ZNF532: variants seen among roughly 807,000 people sequenced by gnomAD.
The protein encoded by ZNF532 is zinc finger protein 532.
In ZNF532, 22 loss-of-function variants were observed where a neutral mutation model predicts 89.3. That is an observed-to-expected ratio of 0.25 (90% CI 0.18 to 0.35). The LOEUF (loss-of-function observed/expected upper bound fraction) is 0.35, where lower values mean the gene tolerates loss of function less well. Among genes scored for constraint, ZNF532 ranks in the 10% least tolerant of loss-of-function variants. The probability of loss-of-function intolerance (pLI) is 1.00; values close to 1 mark genes in which losing one functional copy is unlikely to be tolerated. For missense variants in ZNF532, 1,132 were observed against 1,643.4 expected (o/e 0.69, Z 5.38); for synonymous variants, 606 against 649.6 (o/e 0.93, Z 1.02).
chr18:58,924,936 C>T (rs763181891), intron 3 of ZNF532, among the ~76,000 whole-genome samples: 3 of 152,116 alleles, frequency 2.0e-5, no homozygotes, highest in East Asian at 1.9e-4. Context: ...CTGGTTGTTG[C>T]GTATATCAAT....
chr18:58,909,836 A>G (rs1033796554), intron 2 of ZNF532, among the ~76,000 whole-genome samples: 3 of 152,204 alleles, frequency 2.0e-5, no homozygotes, highest in Admixed American at 6.5e-5. Context: ...GTCACTAGCT[A>G]ATAGTAGTAA....
At position 58,956,530 on chromosome 18, in the gene ZNF532, T is replaced by G. The variant is rs533050757; in HGVS notation, c.3150+2731T>G. Among the ~76,000 whole-genome samples the G allele has an allele frequency of 2.8e-4, 43 of 152,222 alleles. No individual in the cohort carries two copies. The South Asian group carries it at 7.9e-3, about 28-fold the overall frequency. ...CCCCTCTACAAGCATCTTATATCTA[T>G]CTCCATTCATTTCTCCTTTCCTAGA... On this transcript the variant is annotated intron_variant, in intron 7 of 9. Coordinates refer to ENST00000591808, the MANE Select transcript of ZNF532 (RefSeq NM_001375912.1).
intron 3 of ZNF532, among the ~76,000 whole-genome samples, chr18:58,925,167 G>C (rs950499008): frequency 1.3e-5 from 2 of 152,068 alleles, no homozygotes; most frequent in African/African-American, 4.8e-5. Flanking sequence ...TGTTTTACAT[G>C]GTATTTGCAC....
intron 2 of ZNF532, among the ~76,000 whole-genome samples, chr18:58,880,666 T>G (rs1293273923): frequency 6.6e-6 from 1 of 152,158 alleles, no homozygotes; most frequent in African/African-American, 2.4e-5. Flanking sequence ...GGTAGGAAAT[T>G]TGGCCAAATG....
chr18:58,960,710 A>G (rs1213492790), intron 7 of ZNF532, among the ~76,000 whole-genome samples: 1 of 152,188 alleles, frequency 6.6e-6, no homozygotes, highest in Non-Finnish European at 1.5e-5. Flanking sequence ...ACTGTTCTGT[A>G]CAGTGTAGTG....
At chr18:58,903,031 G>T (rs1015744962) in intron 2 of ZNF532, among the ~76,000 whole-genome samples, 2 of 151,908 alleles carry the variant, frequency 1.3e-5, no homozygotes, top group East Asian at 3.9e-4. Flanking sequence ...TTAATTTTTA[G>T]AAAAAATAAA....
chr18:58,945,642 C>T (rs1370808146), intron 5 of ZNF532, among the ~76,000 whole-genome samples: 1 of 152,134 alleles, frequency 6.6e-6, no homozygotes, highest in Admixed American at 6.5e-5. Context: ...AGTGATTTCT[C>T]AAAATGTGAA....
chr18:58,892,044 GA>G (rs1239121928), intron 2 of ZNF532, among the ~76,000 whole-genome samples: 2 of 152,234 alleles, frequency 1.3e-5, no homozygotes, highest in Non-Finnish European at 2.9e-5. Context: ...TAGAGTGACA[GA>G]AGGTATTCTT....
intron 2 of ZNF532, among the ~76,000 whole-genome samples, chr18:58,889,810 C>T (rs143981048): frequency 2.9e-5 from 4 of 139,808 alleles, no homozygotes; most frequent in East Asian, 2.2e-4. Flanking sequence ...TTTGGCTAGG[C>T]GCGGTGGCTC....
chr18:58,878,792 C>T (rs569239161), intron 2 of ZNF532, among the ~76,000 whole-genome samples: 1 of 152,348 alleles, frequency 6.6e-6, no homozygotes, highest in African/African-American at 2.4e-5. Context: ...CCAGGGTTAG[C>T]AGCTGTCAGG....
intron 7 of ZNF532, among the ~76,000 whole-genome samples, chr18:58,956,914 C>T (rs1241415102): frequency 1.3e-5 from 2 of 152,226 alleles, no homozygotes; most frequent in Non-Finnish European, 2.9e-5. Flanking sequence ...AATTCAACCA[C>T]TCTTATAACT....
chr18:58,934,571 G>A lies in ZNF532; in HGVS notation c.2485G>A (p.Val829Ile), dbSNP rs775256838. The A allele has an allele frequency of 7.4e-6, 12 of 1,614,118 alleles. No homozygotes were observed. The highest frequency in any genetic ancestry group is 1.7e-4 in the Middle Eastern group (1 of 6,058). ...CAGGTCGGTGCACTTCCAGACCCAC[G>A]TCACCAAGAACTGTCTGCACTACAC... ...ICRSVHFQTH[V>I]TKNCLHYTRR... The change falls in exon 4 of 10, where the codon GTC (valine) becomes ATC (isoleucine). Residue 829 changes from valine to isoleucine, a missense_variant. Coordinates refer to ENST00000591808, the MANE Select transcript of ZNF532 (RefSeq NM_001375912.1).
chr18:58,908,074 G>A (rs941302859), intron 2 of ZNF532, among the ~76,000 whole-genome samples: 4 of 152,356 alleles, frequency 2.6e-5, no homozygotes, highest in South Asian at 4.1e-4. Flanking sequence ...CTCATTGTTT[G>A]AATGTTATGC....
At chr18:58,916,455 C>T (rs1406014763) in intron 2 of ZNF532, among the ~76,000 whole-genome samples, 2 of 152,128 alleles carry the variant, frequency 1.3e-5, no homozygotes, top group Non-Finnish European at 2.9e-5. Context: ...CTTTTTGCAT[C>T]GGTGGTAGCT....
At chr18:58,904,821 T>A (rs193162236) in intron 2 of ZNF532, among the ~76,000 whole-genome samples, 1 of 151,888 alleles carries the variant, frequency 6.6e-6, no homozygotes. Context: ...TGCAAACTTT[T>A]GAAATTCTAT....
chr18:58,981,159 C>T, intron 8 of ZNF532: 1 of 310,384 alleles, frequency 3.2e-6, no homozygotes, highest in Non-Finnish European at 6.0e-6. Flanking sequence ...TTAACAGCAG[C>T]ACAAAGGAGT....
intron 2 of ZNF532, among the ~76,000 whole-genome samples, chr18:58,905,273 C>T (rs563138469): frequency 1.8e-4 from 28 of 152,246 alleles, no homozygotes; most frequent in East Asian, 1.9e-4. Context: ...AAACACTGTA[C>T]GAATTACTTC....
intron 5 of ZNF532, among the ~76,000 whole-genome samples, chr18:58,945,049 C>T (rs1039406223): frequency 2.6e-5 from 4 of 152,220 alleles, no homozygotes; most frequent in Non-Finnish European, 5.9e-5. Flanking sequence ...ATCCAGATTC[C>T]TCCCAGTTGT....
chr18:58,917,879 A>C (rs190090669), intron 2 of ZNF532, among the ~76,000 whole-genome samples: 4 of 152,304 alleles, frequency 2.6e-5, no homozygotes, highest in Admixed American at 2.6e-4. Context: ...TGATAGTGAT[A>C]ATTTTGCCAG....
Sources: gnomAD v4.1 joint callset for allele counts (sites outside exome capture counted in the v4.1 genomes callset) on GRCh38, gnomAD v4.1.1 for gene constraint, MANE v1.5 for transcripts, NCBI Gene and HGNC (gene_info 2026-07-23, HGNC 2026-07-21) for gene names.